ROR1: variants seen among roughly 807,000 people sequenced by gnomAD.
ROR1 encodes the protein ROR family WNT receptor 1.
Under a neutral mutation model 78.8 loss-of-function variants are expected in ROR1, and 19 were observed. That is an observed-to-expected ratio of 0.24 (90% confidence interval 0.17 to 0.35). The LOEUF (loss-of-function observed/expected upper bound fraction) is 0.35, where lower values mean the gene tolerates loss of function less well. Ranked by LOEUF, ROR1 falls within the 10% of genes least tolerant of loss-of-function variation. The pLI is 1.00. For synonymous variants in ROR1, 386 were observed against 433.6 expected (o/e 0.89, Z 1.36); for missense variants, 917 against 1,177.8 (o/e 0.78, Z 3.24).
chr1:63,797,932 T>C (rs939176433), intron 1 of ROR1, among the ~76,000 whole-genome samples: 2 of 151,268 alleles, frequency 1.3e-5, no homozygotes, highest in African/African-American at 4.9e-5. Context: ...TCCTTTTCAC[T>C]AAATACTGCA....
intron 4 of ROR1, among the ~76,000 whole-genome samples, chr1:64,051,863 A>T (rs1017063565): frequency 4.6e-5 from 7 of 152,268 alleles, no homozygotes; most frequent in African/African-American, 1.7e-4. Flanking sequence ...CACCTATGGC[A>T]AATATAACAG....
intron 4 of ROR1, among the ~76,000 whole-genome samples, chr1:64,123,325 C>A: frequency 6.6e-6 from 1 of 152,248 alleles, no homozygotes; most frequent in East Asian, 1.9e-4. Context: ...TGTAAGTTCC[C>A]GGGGTTTTAT....
chr1:64,050,896 T>C (rs575595494), intron 4 of ROR1, among the ~76,000 whole-genome samples, 180 bp downstream of exon 4: 4 of 152,304 alleles, frequency 2.6e-5, no homozygotes, highest in Admixed American at 1.3e-4. Context: ...GAGACCACCA[T>C]TGGCAGAATT....
At chr1:63,824,420 CT>C (rs533946180) in intron 1 of ROR1, among the ~76,000 whole-genome samples, 14 of 151,472 alleles carry the variant, frequency 9.2e-5, no homozygotes, top group African/African-American at 2.9e-4. Context: ...TATTATTTGT[CT>C]TTTTTTTTCC....
At chr1:63,886,969 A>G (rs1413250781) in intron 1 of ROR1, among the ~76,000 whole-genome samples, 1 of 152,154 alleles carries the variant, frequency 6.6e-6, no homozygotes. Flanking sequence ...GGCTAGAAGG[A>G]TCCTCACTCT....
At chr1:64,089,502 C>T (rs761661287) in intron 4 of ROR1, among the ~76,000 whole-genome samples, 14 of 152,224 alleles carry the variant, frequency 9.2e-5, no homozygotes, top group South Asian at 2.1e-4. Flanking sequence ...TGAGCCACCG[C>T]GCCAGGCCTC....
At chr1:63,883,772 T>C (rs1645338789) in intron 1 of ROR1, among the ~76,000 whole-genome samples, 1 of 152,188 alleles carries the variant, frequency 6.6e-6, no homozygotes. Context: ...CAGCTTCATC[T>C]TGGTGTTGCT....
chr1:64,107,846 G>A (rs17265943), intron 4 of ROR1, among the ~76,000 whole-genome samples: 22,890 of 152,006 alleles, frequency 0.15, 2,016 homozygotes, highest in Non-Finnish European at 0.2. Flanking sequence ...GTGAAGGTAG[G>A]GTAGAATAAG....
intron 1 of ROR1, among the ~76,000 whole-genome samples, chr1:63,864,286 A>T (rs1277771536): frequency 1.3e-5 from 2 of 152,136 alleles, no homozygotes; most frequent in Non-Finnish European, 2.9e-5. Context: ...AAAGCTGCTC[A>T]CTCTCAGCCT....
chr1:64,009,398 G>A (rs1167341521), intron 2 of ROR1, 22 bp downstream of exon 2: 7 of 1,575,250 alleles, frequency 4.4e-6, no homozygotes. Context: ...GGGCACACAG[G>A]GGAGGCGAGG....
chr1:64,166,379 C>G (rs747660294), intron 8 of ROR1, among the ~76,000 whole-genome samples: 1 of 152,120 alleles, frequency 6.6e-6, no homozygotes, highest in African/African-American at 2.4e-5. Context: ...ATAGTTTTCT[C>G]TAGTTCTGTG....
intron 1 of ROR1, among the ~76,000 whole-genome samples, chr1:63,838,941 G>T (rs1225468279): frequency 2.0e-5 from 3 of 151,874 alleles, no homozygotes; most frequent in African/African-American, 7.3e-5. Context: ...TATTCAGTAT[G>T]GTAACATGCT....
At chr1:64,141,611 C>G (rs1286671990) in intron 6 of ROR1, among the ~76,000 whole-genome samples, 2 of 152,154 alleles carry the variant, frequency 1.3e-5, no homozygotes, top group African/African-American at 2.4e-5. Flanking sequence ...CATCCCCTAC[C>G]CCATCAGCAG....
chr1:63,891,769 C>A (rs1165512052), intron 1 of ROR1, among the ~76,000 whole-genome samples: 1 of 152,126 alleles, frequency 6.6e-6, no homozygotes, highest in Non-Finnish European at 1.5e-5. Flanking sequence ...CTGTGGACAT[C>A]AAAGATCCTA....
At chr1:64,002,131 C>CTTT (rs34252630) in intron 1 of ROR1, among the ~76,000 whole-genome samples, 9 of 105,952 alleles carry the variant, frequency 8.5e-5, no homozygotes, top group African/African-American at 2.9e-4. Flanking sequence ...CCAGTTCAAC[C>CTTT]TTTTTTTTTT....
chr1:64,010,893 C>G (rs949190698), intron 2 of ROR1, among the ~76,000 whole-genome samples: 6 of 152,148 alleles, frequency 3.9e-5, no homozygotes, highest in African/African-American at 1.4e-4. Context: ...TTCCTGAGAC[C>G]TCCCCAGCCA....
At position 64,075,258 on chromosome 1, in the gene ROR1, T is replaced by TA. The variant is rs1299226844; in HGVS notation, c.482+24550dup. On this transcript the variant is annotated intron_variant, in intron 4 of 8. Coordinates refer to ENST00000371079, the MANE Select transcript of ROR1 (RefSeq NM_005012.4). ...ACTTCAGAACATCTAGAGAATAGAGTAAAAAAAATGTACATATAACTTCAC... is the reference window on the plus strand; with the variant it reads ...ACTTCAGAACATCTAGAGAATAGAGTAAAAAAAAATGTACATATAACTTCAC... 7.2e-5 allele frequency among the ~76,000 whole-genome samples: 11 copies of TA among 151,950 alleles called. No homozygotes were observed. In the South Asian group the frequency reaches 8.4e-4, roughly 12 times the overall value.
At chr1:63,940,494 CAGACAGAT>C (rs900001636) in intron 1 of ROR1, among the ~76,000 whole-genome samples, 988 of 77,786 alleles carry the variant, frequency 0.013, 4 homozygotes, top group Non-Finnish European at 0.02. Flanking sequence ...GATAGATAGA[CAGACAGAT>C]AGATAGATAG....
At chr1:64,153,507 G>A (rs1366440009) in intron 7 of ROR1, among the ~76,000 whole-genome samples, 1 of 152,158 alleles carries the variant, frequency 6.6e-6, no homozygotes, top group African/African-American at 2.4e-5. Context: ...CAACCCAAAT[G>A]TCCATCAGTG....
Sources: allele counts gnomAD v4.1 joint callset (sites outside exome capture counted in the v4.1 genomes callset), GRCh38; gene constraint gnomAD v4.1.1; transcripts MANE v1.5; gene names NCBI Gene and HGNC (gene_info 2026-07-23, HGNC 2026-07-21).